Variants in NAV3 observed in about 807,000 individuals in gnomAD.
NAV3 encodes the protein pore membrane and/or filament interacting like protein 1.
Under a neutral mutation model 244.7 loss-of-function variants are expected in NAV3, and 87 were observed. That is an observed-to-expected ratio of 0.36 (90% CI 0.30 to 0.42). The LOEUF is 0.42. NAV3 is among the 20% of genes least tolerant of loss of function. The probability of loss-of-function intolerance (pLI) is 1.00; values close to 1 mark genes in which losing one functional copy is unlikely to be tolerated. For missense variants in NAV3, 2,663 were observed against 2,893.3 expected, an observed-to-expected ratio of 0.92 and a Z score of 1.83; for synonymous variants, 1,126 against 1,042.2, an observed-to-expected ratio of 1.08 and a Z score of -1.55.
At chr12:77,838,532 C>A (rs1875059618) in intron 1 of NAV3, among the ~76,000 whole-genome samples, 1 of 151,964 alleles carries the variant, frequency 6.6e-6, no homozygotes, top group Admixed American at 6.6e-5. Context: ...GTTTTTGATG[C>A]CAATTTGCCG....
chr12:77,651,415 C>T (rs532256277), intron 2 of NAV3, among the ~76,000 whole-genome samples: 9 of 151,968 alleles, frequency 5.9e-5, no homozygotes, highest in Non-Finnish European at 8.8e-5. Flanking sequence ...AATATTTTCC[C>T]GTGCCTTTTT....
intron 1 of NAV3, among the ~76,000 whole-genome samples, chr12:77,869,153 A>G (rs1880560239): frequency 6.6e-6 from 1 of 152,178 alleles, no homozygotes. Flanking sequence ...AAGCTGGGCT[A>G]TAGGCAGGGC....
chr12:77,762,991 C>T (rs1869562942), intron 2 of NAV3, among the ~76,000 whole-genome samples: 2 of 152,170 alleles, frequency 1.3e-5, no homozygotes, highest in Non-Finnish European at 2.9e-5. Context: ...TAATTTGTTT[C>T]TAGTCATGTT....
At chr12:78,198,775 G>A (rs911444409) in intron 36 of NAV3, 99 bp downstream of exon 36, 2 of 851,332 alleles carry the variant, frequency 2.3e-6, no homozygotes, top group Non-Finnish European at 3.7e-6. Flanking sequence ...TTGTTTTTGT[G>A]GTTTGTTTTT....
Position 77,994,839 on chromosome 12 carries a change from T to A in NAV3, c.708T>A (p.Ser236Arg), listed in dbSNP as rs2136402082. The part of the protein sequence containing the change: ...AARYATQSNH[S>R]GIATSQKKPT... Reference sequence around the variant, plus strand: ...GATATGCAACTCAGTCTAATCACAGTGGAATTGCAACCAGTCAAAAAAAGC... The same window carrying A: ...GATATGCAACTCAGTCTAATCACAGAGGAATTGCAACCAGTCAAAAAAAGC... Residue 236 changes from serine to arginine, a missense_variant, in exon 6 of 40, where the codon AGT becomes AGA. By Grantham distance (110) the Ser-to-Arg change is moderately radical (BLOSUM62 -1). Around this residue, in one of 6 missense-constraint regions of NAV3, gnomAD observed 1,521 missense variants for 1,497.0 expected, o/e 1.02. Coordinates refer to ENST00000397909, the MANE Select transcript of NAV3 (RefSeq NM_001024383.2). The A allele has an allele frequency of 6.2e-7, 1 of 1,610,570 alleles. No individual in the cohort carries two copies. The highest frequency in any genetic ancestry group is 8.5e-7 in the Non-Finnish European group (1 of 1,178,166).
At chr12:77,673,552 G>A (rs1031030780) in intron 2 of NAV3, among the ~76,000 whole-genome samples, 2 of 151,936 alleles carry the variant, frequency 1.3e-5, no homozygotes, top group African/African-American at 4.8e-5. Flanking sequence ...AAATATGAAA[G>A]ATGCAATAAT....
At chr12:77,994,754 A>G (rs1358716634) in intron 5 of NAV3, 49 bp from the exon 6 acceptor site, 2 of 1,446,956 alleles carry the variant, frequency 1.4e-6, no homozygotes, top group East Asian at 2.3e-5. Context: ...CTTTCCTTCC[A>G]TGTTCAAAGA....
intron 5 of NAV3, among the ~76,000 whole-genome samples, chr12:77,974,457 A>AT (rs200654335): frequency 0.1 from 14,283 of 142,146 alleles, 782 homozygotes; most frequent in East Asian, 0.23. Context: ...GTTTATTATT[A>AT]TTTTTTTTTT....
At chr12:77,617,244 A>T (rs1367780415) in intron 2 of NAV3, among the ~76,000 whole-genome samples, 1 of 152,172 alleles carries the variant, frequency 6.6e-6, no homozygotes, top group African/African-American at 2.4e-5. Flanking sequence ...GCCAGTCCCC[A>T]GATGTTCCCC....
intron 1 of NAV3, among the ~76,000 whole-genome samples, chr12:77,900,075 A>ATTT (rs201444499): frequency 2.4e-5 from 3 of 127,294 alleles, no homozygotes; most frequent in Non-Finnish European, 3.3e-5. Flanking sequence ...ATTGTTCTCA[A>ATTT]TTTTTTTTTT....
chr12:77,586,546 T>G lies in NAV3; in HGVS notation c.72+14280T>G, dbSNP rs147260966. ...GATTAACTGAAGTGTTATTTGTTTT[T>G]TTCTTAAAGTCTTAGAGAGCATCTA... On this transcript the variant is annotated intron_variant, in intron 2 of 8. Coordinates refer to the NAV3 transcript ENST00000550042. Among the ~76,000 whole-genome samples the G allele has an allele frequency of 3.3e-3, 504 of 152,334 alleles. 1 individual carries two copies. Among genetic ancestry groups the G allele is most frequent in the African/African-American group, 0.012 (485 of 41,574 alleles).
At chr12:77,589,914 T>A (rs2136712041) in intron 2 of NAV3, among the ~76,000 whole-genome samples, 1 of 152,346 alleles carries the variant, frequency 6.6e-6, no homozygotes, top group East Asian at 1.9e-4. Flanking sequence ...TCAATTTGCT[T>A]AATCACATTT....
chr12:78,128,994 C>T, intron 18 of NAV3, 128 bp downstream of exon 18: 1 of 801,042 alleles, frequency 1.2e-6, no homozygotes, highest in Non-Finnish European at 1.9e-6. Context: ...TTTAACAGTA[C>T]CTTTCATTTG....
At chr12:77,840,961 G>A (rs34411739) in intron 1 of NAV3, among the ~76,000 whole-genome samples, 29,871 of 152,154 alleles carry the variant, frequency 0.2, 3,663 homozygotes, top group Non-Finnish European at 0.27. Flanking sequence ...TTCTTACCAG[G>A]AGCACTGAAT....
intron 2 of NAV3, among the ~76,000 whole-genome samples, chr12:77,804,358 A>T (rs1369888153): frequency 6.6e-6 from 1 of 151,736 alleles, no homozygotes; most frequent in East Asian, 1.9e-4. Flanking sequence ...TATAAGGTGT[A>T]TAAGGGGTAC....
At chr12:77,644,480 G>C (rs1280395506) in intron 2 of NAV3, among the ~76,000 whole-genome samples, 1 of 151,980 alleles carries the variant, frequency 6.6e-6, no homozygotes, top group Non-Finnish European at 1.5e-5. Flanking sequence ...AAGAAGAAAG[G>C]AATTCCTAGT....
At chr12:77,910,681 T>C (rs184393907) in intron 1 of NAV3, among the ~76,000 whole-genome samples, 5 of 152,206 alleles carry the variant, frequency 3.3e-5, no homozygotes, top group Admixed American at 1.3e-4. Flanking sequence ...GTACCTAAGA[T>C]TGGTGACAAA....
chr12:78,148,722 T>A lies in NAV3; in HGVS notation c.4708-120T>A, dbSNP rs116544346. 438 of 753,882 alleles carry A rather than the reference T, an allele frequency of 5.8e-4. 1 individual carries two copies. In the African/African-American group the frequency reaches 7.1e-3, roughly 12 times the overall value. 46.7% of individuals were successfully genotyped at this position (753,882 alleles called of 1,614,324 possible). A position where few individuals can be genotyped will look rare whatever the true frequency, so the allele number is the denominator to read the frequency against. ...GTTCATATCCTTTATTTTCAGGAGT[T>A]GCTGCTGATACAATGGGGTTAGAAT... is the stretch of plus-strand genomic sequence containing the variant. On this transcript the variant is annotated intron_variant, in intron 21 of 39. Transcript: ENST00000397909.
chr12:78,101,772 A>G (rs1954549414), intron 12 of NAV3, among the ~76,000 whole-genome samples: 1 of 152,174 alleles, frequency 6.6e-6, no homozygotes, highest in Non-Finnish European at 1.5e-5. Context: ...ATGTAGGGCT[A>G]AGTGGTTTTG....
Sources: allele counts gnomAD v4.1 joint callset (sites outside exome capture counted in the v4.1 genomes callset), GRCh38; gene constraint gnomAD v4.1.1; regional missense constraint gnomAD v4.1.1; transcripts MANE v1.5; gene names NCBI Gene and HGNC (gene_info 2026-07-23, HGNC 2026-07-21).